The following FSTL5 variants were observed in gnomAD, a reference collection of about 807,000 sequenced individuals.
FSTL5 encodes follistatin-related protein 5.
FSTL5 carries 62 observed loss-of-function variants against 89.1 expected under a neutral mutation model. The ratio of observed to expected loss-of-function variants is 0.70; its 90% CI spans 0.57 to 0.86. The LOEUF is 0.86. Ranked by LOEUF, FSTL5 falls within the 40% of genes least tolerant of loss-of-function variation. The probability of loss-of-function intolerance (pLI) is 0.00; values close to 1 mark genes in which losing one functional copy is unlikely to be tolerated. For missense variants in FSTL5, 1,057 were observed against 1,001.6 expected, an observed-to-expected ratio of 1.06 and a Z score of -0.75; for synonymous variants, 383 against 346.2, an observed-to-expected ratio of 1.11 and a Z score of -1.18.
chr4:161,675,168 C>G (rs960836933), intron 6 of FSTL5, among the ~76,000 whole-genome samples: 3 of 152,106 alleles, frequency 2.0e-5, no homozygotes, highest in Admixed American at 1.3e-4. Flanking sequence ...AACAATTGAT[C>G]AGTGATTATT....
At chr4:161,798,210 G>A (rs1014088850) in intron 4 of FSTL5, among the ~76,000 whole-genome samples, 9 of 151,608 alleles carry the variant, frequency 5.9e-5, no homozygotes, top group African/African-American at 1.2e-4. Flanking sequence ...AGGTAGTTTG[G>A]CTAAGAAATC....
At chr4:161,637,387 C>G (rs1267541859) in intron 7 of FSTL5, among the ~76,000 whole-genome samples, 18 of 109,448 alleles carry the variant, frequency 1.6e-4, no homozygotes, top group African/African-American at 5.6e-4. Context: ...GAGTAGGTTG[C>G]AAAAATTTTC....
intron 8 of FSTL5, among the ~76,000 whole-genome samples, chr4:161,568,611 G>A (rs957186293): frequency 4.6e-5 from 7 of 151,258 alleles, no homozygotes; most frequent in African/African-American, 1.7e-4. Flanking sequence ...ACATTAGGAA[G>A]CAGGTCACCC....
chr4:161,885,715 C>A (rs1312907661), intron 4 of FSTL5, among the ~76,000 whole-genome samples: 1 of 152,156 alleles, frequency 6.6e-6, no homozygotes, highest in African/African-American at 2.4e-5. Flanking sequence ...TCCCAAAGTG[C>A]TGGGATTATA....
intron 4 of FSTL5, among the ~76,000 whole-genome samples, chr4:161,854,632 T>C (rs1291494543): frequency 6.6e-6 from 1 of 152,000 alleles, no homozygotes; most frequent in Non-Finnish European, 1.5e-5. Flanking sequence ...GTGACACAAA[T>C]AAGAAATGTC....
intron 6 of FSTL5, among the ~76,000 whole-genome samples, chr4:161,751,486 C>G (rs183839793): frequency 6.6e-6 from 1 of 152,060 alleles, no homozygotes; most frequent in South Asian, 2.1e-4. Flanking sequence ...TGAACTCTAA[C>G]ATAAAATGTT....
At chr4:161,418,348 A>G (rs1024138149) in intron 15 of FSTL5, among the ~76,000 whole-genome samples, 1 of 152,208 alleles carries the variant, frequency 6.6e-6, no homozygotes, top group African/African-American at 2.4e-5. Context: ...AATTTGTAAA[A>G]CAGATGATAA....
At chr4:161,604,346 T>C (rs1027829555) in intron 7 of FSTL5, among the ~76,000 whole-genome samples, 1 of 151,880 alleles carries the variant, frequency 6.6e-6, no homozygotes, top group Non-Finnish European at 1.5e-5. Flanking sequence ...TAGGAACCAA[T>C]CAATCAGAAG....
Position 161,721,069 on chromosome 4 carries a change from G to C in FSTL5, c.727+38342C>G, listed in dbSNP as rs569315254. On this transcript the variant is annotated intron_variant, in intron 6 of 15. Coordinates refer to ENST00000306100, the MANE Select transcript of FSTL5 (RefSeq NM_020116.5). ...TGAGGCGGGTGGATCATGAGGTCAG[G>C]AGATCGAGACCATCCTGGCTAACAA... Among the ~76,000 whole-genome samples, 5 of 151,868 alleles carry C rather than the reference G, an allele frequency of 3.3e-5. No homozygotes were observed. The South Asian group carries it at 1.0e-3, about 32-fold the overall frequency.
At chr4:161,538,409 T>C (rs1731707493) in intron 9 of FSTL5, 109 bp from the exon 10 acceptor site, 2 of 1,198,986 alleles carry the variant, frequency 1.7e-6, no homozygotes, top group East Asian at 4.7e-5. Context: ...ATTAAACTGT[T>C]TCCCTTCCTA....
intron 7 of FSTL5, among the ~76,000 whole-genome samples, chr4:161,607,708 C>T (rs992360163): frequency 8.5e-5 from 13 of 152,150 alleles, no homozygotes; most frequent in African/African-American, 3.1e-4. Flanking sequence ...ATAAAGCAAG[C>T]TGGTTTTTGT....
chr4:161,809,573 G>A (rs1025114445), intron 4 of FSTL5, among the ~76,000 whole-genome samples: 3 of 152,192 alleles, frequency 2.0e-5, no homozygotes, highest in Non-Finnish European at 2.9e-5. Context: ...ACAGCCAGAG[G>A]ATGAAAGCAA....
At chr4:161,505,451 G>A (rs1730445903) in intron 11 of FSTL5, among the ~76,000 whole-genome samples, 1 of 152,146 alleles carries the variant, frequency 6.6e-6, no homozygotes, top group Non-Finnish European at 1.5e-5. Flanking sequence ...AATCCAGGAA[G>A]TGGGTACCGT....
chr4:161,544,850 G>C (rs1353881461), intron 8 of FSTL5, among the ~76,000 whole-genome samples: 1 of 151,874 alleles, frequency 6.6e-6, no homozygotes, highest in Non-Finnish European at 1.5e-5. Flanking sequence ...TACCTTTCCT[G>C]ATTTGATAAT....
intron 2 of FSTL5, among the ~76,000 whole-genome samples, chr4:162,061,958 A>C (rs6855566): frequency 0.43 from 65,514 of 151,850 alleles, 14,907 homozygotes; most frequent in Middle Eastern, 0.56. Flanking sequence ...TGCATGTACT[A>C]AGAGCATCTC....
At chr4:161,424,863 C>CAGCATAAT (rs2126323584) in intron 15 of FSTL5, among the ~76,000 whole-genome samples, 1 of 152,322 alleles carries the variant, frequency 6.6e-6, no homozygotes, top group Admixed American at 6.5e-5. Flanking sequence ...AAATCAGAGT[C>CAGCATAAT]AGCATAATAG....
At position 161,423,997 on chromosome 4, in the gene FSTL5, C is replaced by T. The variant is rs543525998; in HGVS notation, c.1841+31007G>A. ...TCAGCCTCCCAAGTAGTTGGGACTA[C>T]AGGTGCCTGCCAGCACGCCCATCAT... On this transcript the variant is annotated intron_variant, in intron 15 of 15. Coordinates refer to ENST00000306100, the MANE Select transcript of FSTL5 (RefSeq NM_020116.5). 2.7e-5 allele frequency among the ~76,000 whole-genome samples: 4 copies of T among 147,260 alleles called. No individual in the cohort carries two copies. In the South Asian group the frequency reaches 8.6e-4, roughly 32 times the overall value.
intron 7 of FSTL5, among the ~76,000 whole-genome samples, chr4:161,646,654 A>G (rs2126673801): frequency 6.6e-6 from 1 of 152,240 alleles, no homozygotes; most frequent in African/African-American, 2.4e-5. Context: ...CACACCTGCA[A>G]TTGAATTCTG....
intron 2 of FSTL5, among the ~76,000 whole-genome samples, chr4:162,036,511 A>G (rs1398356986): frequency 1.3e-5 from 2 of 152,114 alleles, no homozygotes; most frequent in Non-Finnish European, 2.9e-5. Context: ...AACCAGATAC[A>G]TAAAGTTGGA....
Sources: allele counts gnomAD v4.1 joint callset (sites outside exome capture counted in the v4.1 genomes callset), GRCh38; gene constraint gnomAD v4.1.1; transcripts MANE v1.5; gene names NCBI Gene and HGNC (gene_info 2026-07-23, HGNC 2026-07-21).